The following FGD6 variants were observed in gnomAD, a reference collection of about 807,000 sequenced individuals.
FGD6 encodes FYVE, RhoGEF and PH domain containing 6.
FGD6 carries 90 observed loss-of-function variants against 149.4 expected under a neutral mutation model. That is an observed-to-expected ratio of 0.60 (90% CI 0.51 to 0.72). FGD6 has a LOEUF of 0.72. Ranked by LOEUF, FGD6 falls within the 30% of genes least tolerant of loss-of-function variation. The probability of loss-of-function intolerance (pLI) is 0.00; values close to 1 mark genes in which losing one functional copy is unlikely to be tolerated. For synonymous variants in FGD6, 527 were observed against 584.0 expected (o/e 0.90, Z 1.41); for missense variants, 1,437 against 1,684.8 (o/e 0.85, Z 2.57).
chr12:95,145,230 C>A (rs1349642178), intron 5 of FGD6, among the ~76,000 whole-genome samples: 1 of 152,064 alleles, frequency 6.6e-6, no homozygotes, highest in Non-Finnish European at 1.5e-5. Flanking sequence ...CTCAAGTGAT[C>A]TTCCTGTCTC....
chr12:95,215,213 G>A lies in FGD6; in HGVS notation c.16+2012C>T, dbSNP rs983253587. Among the ~76,000 whole-genome samples, 5 of 152,146 alleles carry A rather than the reference G, an allele frequency of 3.3e-5. No homozygotes were observed. The East Asian group carries it at 9.6e-4, about 29-fold the overall frequency. ...AATTCTGAAATCTCCACTAAGGGCA[G>A]ATTATTTTATAGATGTAGAAAAACA... is the stretch of plus-strand genomic sequence containing the variant. On this transcript the variant is annotated intron_variant, in intron 1 of 20. Transcript: ENST00000343958.
chr12:95,189,045 A>C (rs1223554189), intron 2 of FGD6: 1 of 152,180 alleles, frequency 6.6e-6, no homozygotes, highest in Non-Finnish European at 1.5e-5. Flanking sequence ...AATTCCCTGT[A>C]CTTTGTAAGG....
intron 3 of FGD6, 104 bp downstream of exon 3, chr12:95,172,496 T>C (rs1881022465): frequency 1.9e-6 from 2 of 1,062,026 alleles, no homozygotes; most frequent in African/African-American, 1.6e-5. Flanking sequence ...AAGTGTTTTA[T>C]AAGTTTTAAG....
At chr12:95,145,173 G>C (rs1399659296) in intron 5 of FGD6, among the ~76,000 whole-genome samples, 1 of 151,720 alleles carries the variant, frequency 6.6e-6, no homozygotes, top group Admixed American at 6.6e-5. Flanking sequence ...ATTTTTAGTA[G>C]AGATGGGGTT....
intron 3 of FGD6, among the ~76,000 whole-genome samples, chr12:95,170,854 A>G (rs899984405): frequency 6.6e-6 from 1 of 152,200 alleles, no homozygotes; most frequent in Admixed American, 6.5e-5. Flanking sequence ...TCAAAGTAAA[A>G]TCTATACATT....
chr12:95,109,591 G>A (rs936167842), intron 9 of FGD6, among the ~76,000 whole-genome samples: 8 of 152,056 alleles, frequency 5.3e-5, no homozygotes, highest in African/African-American at 1.9e-4. Flanking sequence ...GGCTGGGCGC[G>A]GTGGCTCACG....
intron 17 of FGD6, among the ~76,000 whole-genome samples, chr12:95,090,235 A>AT (rs1878009772): frequency 1.3e-5 from 2 of 152,132 alleles, no homozygotes; most frequent in Non-Finnish European, 2.9e-5. Context: ...AGAGGTCAGC[A>AT]TGAGCAAAGG....
rs1473626564 is a variant in FGD6 at position 95,210,395 on chromosome 12, C to A, written c.889G>T (p.Asp297Tyr). The A allele has an allele frequency of 6.2e-7, 1 of 1,613,718 alleles. No homozygotes were observed. The highest frequency in any genetic ancestry group is 8.5e-7 in the Non-Finnish European group (1 of 1,179,944). ...AAATGAATTTCTAAGGGACCAAGGT[C>A]TTTGACTTCTGATTTCTTACTAACT... ...DGVSKKSEVK[D>Y]LGPLEIHLVP... The change falls in exon 2 of 21, where the codon GAC becomes TAC. Residue 297 changes from aspartate to tyrosine, a missense_variant. Coordinates refer to ENST00000343958, the MANE Select transcript of FGD6 (RefSeq NM_018351.4).
chr12:95,105,389 C>CTT (rs1334162101), intron 13 of FGD6, among the ~76,000 whole-genome samples: 1 of 152,198 alleles, frequency 6.6e-6, no homozygotes, highest in Non-Finnish European at 1.5e-5. Flanking sequence ...TCTTCCTCCT[C>CTT]TTTCTCCTTC....
At chr12:95,144,451 GGC>G (rs1341597232) in intron 5 of FGD6, among the ~76,000 whole-genome samples, 1 of 151,888 alleles carries the variant, frequency 6.6e-6, no homozygotes, top group Non-Finnish European at 1.5e-5. Flanking sequence ...GGAGTGCAAT[GGC>G]GTGATCTCAG....
chr12:95,111,527 C>T (rs547229094), intron 9 of FGD6, among the ~76,000 whole-genome samples: 8 of 152,130 alleles, frequency 5.3e-5, no homozygotes, highest in Non-Finnish European at 1.2e-4. Context: ...TGTATCCTCA[C>T]GAGAGGGGCT....
Position 95,205,005 on chromosome 12 carries a change from C to T in FGD6, c.2441+3838G>A, listed in dbSNP as rs569003909. Reference sequence around the variant, plus strand: ...AATGTAGGCTAGGCATGGTGGCTGACGCCTATAATTCCAGCACTTTGGGAG... The same window carrying T: ...AATGTAGGCTAGGCATGGTGGCTGATGCCTATAATTCCAGCACTTTGGGAG... On this transcript the variant is annotated intron_variant, in intron 2 of 20. Transcript: ENST00000343958. Among the ~76,000 whole-genome samples, 347 of 152,260 alleles carry T rather than the reference C, an allele frequency of 2.3e-3. 1 individual carries two copies. The highest frequency in any genetic ancestry group is 3.7e-3 in the Non-Finnish European group (254 of 68,014).
At chr12:95,134,259 G>A (rs1049952368) in intron 8 of FGD6, among the ~76,000 whole-genome samples, 2 of 152,048 alleles carry the variant, frequency 1.3e-5, no homozygotes, top group Admixed American at 6.6e-5. Flanking sequence ...ACTGCACCCA[G>A]CTACGGTACT....
intron 7 of FGD6, among the ~76,000 whole-genome samples, chr12:95,136,336 C>T (rs893182959): frequency 2.0e-5 from 3 of 151,954 alleles, no homozygotes; most frequent in Admixed American, 6.6e-5. Context: ...CCAGCCTGGG[C>T]GACAGAGCTA....
At chr12:95,141,142 G>T (rs537994932) in intron 6 of FGD6, among the ~76,000 whole-genome samples, 1 of 152,286 alleles carries the variant, frequency 6.6e-6, no homozygotes, top group South Asian at 2.1e-4. Flanking sequence ...AGAAACGCTG[G>T]AACCCGGGAG....
At chr12:95,113,735 A>G (rs766658528) in intron 8 of FGD6, 34 bp from the exon 9 acceptor site, 27 of 1,404,276 alleles carry the variant, frequency 1.9e-5, no homozygotes, top group Non-Finnish European at 2.7e-5. Context: ...TTTAAGTACA[A>G]TAAACCAGTG....
intron 3 of FGD6, among the ~76,000 whole-genome samples, chr12:95,156,307 A>C (rs1375417958): frequency 6.6e-6 from 1 of 152,204 alleles, no homozygotes; most frequent in Non-Finnish European, 1.5e-5. Flanking sequence ...AGCAAGGAAC[A>C]TCCCTGAGAA....
chr12:95,133,996 T>C (rs1038703616), intron 8 of FGD6, among the ~76,000 whole-genome samples: 1 of 152,188 alleles, frequency 6.6e-6, no homozygotes, highest in Non-Finnish European at 1.5e-5. Context: ...TAAACAGACA[T>C]AGCTCTATAA....
At chr12:95,158,699 A>G (rs1385341186) in intron 3 of FGD6, among the ~76,000 whole-genome samples, 3 of 152,084 alleles carry the variant, frequency 2.0e-5, no homozygotes, top group African/African-American at 7.2e-5. Flanking sequence ...GAAAAGTTTA[A>G]TGTTTACAAA....
Sources: gnomAD v4.1 joint callset for allele counts (sites outside exome capture counted in the v4.1 genomes callset) on GRCh38, gnomAD v4.1.1 for gene constraint, MANE v1.5 for transcripts, NCBI Gene and HGNC (gene_info 2026-07-23, HGNC 2026-07-21) for gene names.